PPP2R1A: variants seen among roughly 807,000 people sequenced by gnomAD.
PPP2R1A encodes the protein serine/threonine-protein phosphatase 2A 65 kDa regulatory subunit A alpha isoform.
Under a neutral mutation model 67.1 loss-of-function variants are expected in PPP2R1A, and 15 were observed. The ratio of observed to expected loss-of-function variants is 0.22; its 90% CI spans 0.15 to 0.34. The LOEUF (loss-of-function observed/expected upper bound fraction) is 0.34, where lower values mean the gene tolerates loss of function less well. PPP2R1A is among the 10% of genes least tolerant of loss of function. The pLI is 1.00. For synonymous variants in PPP2R1A, 337 were observed against 325.0 expected, an observed-to-expected ratio of 1.04 and a Z score of -0.40; for missense variants, 369 against 775.0, an observed-to-expected ratio of 0.48 and a Z score of 6.22.
chr19:52,198,840 AC>A (rs1481535963), intron 1 of PPP2R1A, among the ~76,000 whole-genome samples: 1 of 152,226 alleles, frequency 6.6e-6, no homozygotes, highest in Non-Finnish European at 1.5e-5. Flanking sequence ...GACGCTGCTA[AC>A]AATACATACC....
intron 10 of PPP2R1A, 152 bp from the exon 11 acceptor site, chr19:52,220,037 A>G (rs1222839506): frequency 4.2e-6 from 5 of 1,188,258 alleles, no homozygotes; most frequent in Non-Finnish European, 4.8e-6. Context: ...ATTGGATTCA[A>G]TAAGAGAGAG....
intron 11 of PPP2R1A, 135 bp downstream of exon 11, chr19:52,220,384 C>G: frequency 1.1e-6 from 1 of 928,492 alleles, no homozygotes; most frequent in Non-Finnish European, 1.7e-6. Flanking sequence ...TGGACCAGCT[C>G]GCATGCTTGT....
At chr19:52,197,511 CA>C in intron 1 of PPP2R1A, among the ~76,000 whole-genome samples, 1 of 152,030 alleles carries the variant, frequency 6.6e-6, no homozygotes, top group Non-Finnish European at 1.5e-5. Flanking sequence ...CTCATCCCTA[CA>C]AAAAGTTAAA....
intron 1 of PPP2R1A, among the ~76,000 whole-genome samples, chr19:52,196,840 G>A (rs559636385): frequency 6.6e-6 from 1 of 152,258 alleles, no homozygotes; most frequent in Middle Eastern, 3.4e-3. Flanking sequence ...GGCTGCCGAA[G>A]CCCCAACCAT....
intron 1 of PPP2R1A, chr19:52,201,426 T>C (rs1014244554): frequency 1.3e-5 from 2 of 153,300 alleles, no homozygotes; most frequent in African/African-American, 4.8e-5. Context: ...CATGTGATCT[T>C]AGCTGTCTGA....
At chr19:52,196,140 A>G (rs1164105020) in intron 1 of PPP2R1A, among the ~76,000 whole-genome samples, 2 of 152,168 alleles carry the variant, frequency 1.3e-5, no homozygotes, top group African/African-American at 2.4e-5. Flanking sequence ...TCACAGTATC[A>G]CAACTGTAGC....
At position 52,226,174 on chromosome 19, in the gene PPP2R1A, AGGGGAGCACGG is replaced by A; in HGVS notation, c.*196_*206del. 1 of 845,900 alleles carries A rather than the reference AGGGGAGCACGG, an allele frequency of 1.2e-6. No homozygotes were observed. Among genetic ancestry groups the A allele is most frequent in the Non-Finnish European group, 1.8e-6 (1 of 547,354 alleles). 52.4% of individuals were successfully genotyped at this position (845,900 alleles called of 1,614,324 possible). ...CTCACTGTCCACCTCCCAACGGGCT[AGGGGAGCACGG>A]GGTTGGACAGGACAGTGACCTTGGG... On this transcript the variant is annotated 3_prime_UTR_variant, in exon 15 of 15. Transcript: ENST00000322088.
chr19:52,199,929 C>T (rs1035947302), intron 1 of PPP2R1A, among the ~76,000 whole-genome samples: 3 of 152,204 alleles, frequency 2.0e-5, no homozygotes. Context: ...AGTTTTTGGA[C>T]TACCTGTATG....
chr19:52,207,451 A>T (rs2089615825), intron 3 of PPP2R1A, among the ~76,000 whole-genome samples: 1 of 152,154 alleles, frequency 6.6e-6, no homozygotes, highest in Non-Finnish European at 1.5e-5. Flanking sequence ...GGACCCAGGG[A>T]TCCTTCTCCT....
intron 6 of PPP2R1A, among the ~76,000 whole-genome samples, chr19:52,214,728 C>CTT (rs1978460657): frequency 3.3e-5 from 5 of 151,716 alleles, no homozygotes; most frequent in Admixed American, 2.0e-4. Flanking sequence ...AGCGTGCCTC[C>CTT]CTTTTTTTTT....
At chr19:52,196,180 TAGTC>T (rs150155730) in intron 1 of PPP2R1A, among the ~76,000 whole-genome samples, 17 of 132,510 alleles carry the variant, frequency 1.3e-4, no homozygotes, top group Non-Finnish European at 6.9e-5. Flanking sequence ...ACTTGGGAGA[TAGTC>T]AGTGCACAGG....
chr19:52,202,052 T>G lies in PPP2R1A; in HGVS notation c.169+18T>G. ...CCTTACAGGTAACAAAGGGGACCCC[T>G]GGGGCCCAGATGTGGGGACTCTTGG... On this transcript the variant is annotated intron_variant, in intron 2 of 14. Transcript: ENST00000322088. The G allele has an allele frequency of 6.2e-7, 1 of 1,606,188 alleles. No individual in the cohort carries two copies. The highest frequency in any genetic ancestry group is 8.5e-7 in the Non-Finnish European group (1 of 1,172,850).
chr19:52,197,395 C>T (rs1476374399), intron 1 of PPP2R1A, among the ~76,000 whole-genome samples: 1 of 152,032 alleles, frequency 6.6e-6, no homozygotes, highest in African/African-American at 2.4e-5. Flanking sequence ...CCAAAAAAAG[C>T]CGGGTGCAGT....
At chr19:52,207,156 A>G (rs1009943962) in intron 3 of PPP2R1A, among the ~76,000 whole-genome samples, 2 of 152,230 alleles carry the variant, frequency 1.3e-5, no homozygotes, top group Non-Finnish European at 2.9e-5. Context: ...AATTGTATAC[A>G]AATAGATCGT....
At position 52,212,496 on chromosome 19, in the gene PPP2R1A, C is replaced by G. The variant is rs1289071922; in HGVS notation, c.504-190C>G. On this transcript the variant is annotated intron_variant, in intron 4 of 14. Transcript: ENST00000322088. This position sits in a 1 kb window ranked among gnomAD's most constrained non-coding sequence, Gnocchi z 4.1. ...TCACACACACTATTTTCATTTAAACCTCATGCGGACCTGTGGGGTAGGTAC... is the reference window on the plus strand; with the variant it reads ...TCACACACACTATTTTCATTTAAACGTCATGCGGACCTGTGGGGTAGGTAC... 1 of 626,138 alleles carries G rather than the reference C, an allele frequency of 1.6e-6. No homozygotes were observed. The highest frequency in any genetic ancestry group is 1.8e-5 in the African/African-American group (1 of 54,186). The allele number at this position is 626,138 out of a possible 1,614,324, so 38.8% of individuals were successfully genotyped here.
At chr19:52,224,605 C>G (rs1979139995) in intron 13 of PPP2R1A, among the ~76,000 whole-genome samples, 1 of 152,194 alleles carries the variant, frequency 6.6e-6, no homozygotes, top group Non-Finnish European at 1.5e-5. Context: ...GTTCCACTTT[C>G]CCAGCCTGCT....
Position 52,219,658 on chromosome 19 carries a change from C to A in PPP2R1A, c.1129-33C>A, listed in dbSNP as rs1203820225. 4 of 1,583,124 alleles carry A rather than the reference C, an allele frequency of 2.5e-6. No homozygotes were observed. The highest frequency in any genetic ancestry group is 1.1e-5 in the South Asian group (1 of 88,224). ...CTGTCCTGGGTTGCTGTGTGCATTG[C>A]ATTCTCTCAGAATCCTTCTTTCCTC... On this transcript the variant is annotated intron_variant, in intron 9 of 14. Transcript: ENST00000322088. This position sits in a 1 kb window ranked among gnomAD's most constrained non-coding sequence, Gnocchi z 4.0.
chr19:52,196,192 A>G (rs2089495040), intron 1 of PPP2R1A, among the ~76,000 whole-genome samples: 1 of 152,214 alleles, frequency 6.6e-6, no homozygotes, highest in Admixed American at 6.5e-5. Flanking sequence ...GTCAGTGCAC[A>G]GGGAATTCTC....
rs959749337 is a variant in PPP2R1A, at chr19:52,213,821, C to T, written c.807+711C>T. 3.3e-5 allele frequency among the ~76,000 whole-genome samples: 5 copies of T among 152,172 alleles called. No homozygotes were observed. The highest frequency in any genetic ancestry group is 1.2e-4 in the African/African-American group (5 of 41,508). The stretch of plus-strand genomic sequence containing the variant: ...TAATTAACTGATCAGAGTGACACTA[C>T]CAGCCAGGCAGAAAGGGGACAAGAC... On this transcript the variant is annotated intron_variant, in intron 6 of 14. Transcript: ENST00000322088. The surrounding 1 kb of genome is among the most constrained non-coding windows in gnomAD (Gnocchi z 4.2).
Sources: gnomAD v4.1 joint callset for allele counts (sites outside exome capture counted in the v4.1 genomes callset) on GRCh38, gnomAD v4.1.1 for gene constraint, Gnocchi (gnomAD v3.1) non-coding constraint, MANE v1.5 for transcripts, NCBI Gene and HGNC (gene_info 2026-07-23, HGNC 2026-07-21) for gene names.